Variants in COX10 observed in about 807,000 individuals in gnomAD.
The protein encoded by COX10 is protoheme IX farnesyltransferase, mitochondrial.
A neutral mutation model predicts 37.3 loss-of-function variants in COX10; 27 were observed. The observed-to-expected ratio is 0.72, with a 90% CI of 0.53 to 1.00. The LOEUF is 1.00. Ranked by LOEUF, COX10 falls within the 50% of genes least tolerant of loss-of-function variation. COX10 has a pLI of 0.00. For synonymous variants in COX10, 222 were observed against 229.1 expected (o/e 0.97, Z 0.28); for missense variants, 475 against 563.2 (o/e 0.84, Z 1.59).
chr17:14,182,366 T>C (rs1360805601), intron 5 of COX10: 10 of 917,172 alleles, frequency 1.1e-5, no homozygotes, highest in Non-Finnish European at 9.1e-6. Context: ...ATGCCAAATA[T>C]ATTTTCTTCT....
chr17:14,147,659 A>G (rs1392427446), intron 4 of COX10, among the ~76,000 whole-genome samples: 1 of 151,998 alleles, frequency 6.6e-6, no homozygotes, highest in South Asian at 2.1e-4. Context: ...TTTGTAACAC[A>G]AAAGATAAGT....
chr17:14,161,722 C>T lies in COX10; in HGVS notation c.695+1775C>T, dbSNP rs574322555. The stretch of plus-strand genomic sequence containing the variant: ...TCTTCTGCTGCCTTAGACATCAGAA[C>T]GCCAGGCTTGCTGGCCTTTGGACTC... On this transcript the variant is annotated intron_variant, in intron 5 of 6. Coordinates refer to ENST00000261643, the MANE Select transcript of COX10 (RefSeq NM_001303.4). 2.5e-4 allele frequency among the ~76,000 whole-genome samples: 38 copies of T among 152,278 alleles called. No homozygotes were observed. The South Asian group carries it at 3.9e-3, about 16-fold the overall frequency.
At chr17:14,154,164 C>T (rs1331679990) in intron 4 of COX10, among the ~76,000 whole-genome samples, 1 of 152,134 alleles carries the variant, frequency 6.6e-6, no homozygotes, top group Non-Finnish European at 1.5e-5. Flanking sequence ...CATGACATAA[C>T]ATTTTGGGGT....
chr17:14,107,196 A>G (rs780149991), intron 4 of COX10, among the ~76,000 whole-genome samples: 15 of 149,246 alleles, frequency 1.0e-4, no homozygotes, highest in South Asian at 2.2e-4. Context: ...CCAATTAGGA[A>G]CCACTGCTTT....
chr17:14,182,144 C>A (rs1239711321), intron 5 of COX10: 7 of 983,710 alleles, frequency 7.1e-6, no homozygotes, highest in Non-Finnish European at 8.4e-6. Context: ...ACCACAGTCT[C>A]TGCGCCGAAC....
rs547635834 is a variant in COX10 at position 14,205,171 on chromosome 17, A to G, written c.929-1639A>G. 1.2e-4 allele frequency among the ~76,000 whole-genome samples: 18 copies of G among 152,084 alleles called. No homozygotes were observed. The South Asian group carries it at 1.9e-3, about 16-fold the overall frequency. On this transcript the variant is annotated intron_variant, in intron 6 of 6. Transcript: ENST00000261643. Reference sequence around the variant, plus strand: ...TTTTTTTAATCATGCAATAAAATTGACTTTTTAAATATATATAGTTCTGTG... The same window carrying G: ...TTTTTTTAATCATGCAATAAAATTGGCTTTTTAAATATATATAGTTCTGTG...
At chr17:14,164,948 T>C (rs1905245092) in intron 5 of COX10, among the ~76,000 whole-genome samples, 1 of 152,204 alleles carries the variant, frequency 6.6e-6, no homozygotes. Flanking sequence ...CAAATGGGTT[T>C]GCCTAGGTCA....
chr17:14,130,097 A>G (rs1041457005), intron 4 of COX10, among the ~76,000 whole-genome samples: 1 of 152,162 alleles, frequency 6.6e-6, no homozygotes, highest in Non-Finnish European at 1.5e-5. Context: ...GAATGTAAAA[A>G]TCCTTTGGAC....
chr17:14,117,933 G>A (rs1401929117), intron 4 of COX10, among the ~76,000 whole-genome samples: 1 of 152,114 alleles, frequency 6.6e-6, no homozygotes, highest in Non-Finnish European at 1.5e-5. Flanking sequence ...TGGATGGGGA[G>A]CCAGAAGGGG....
At chr17:14,117,177 G>A (rs1211839956) in intron 4 of COX10, among the ~76,000 whole-genome samples, 6 of 151,970 alleles carry the variant, frequency 3.9e-5, no homozygotes, top group South Asian at 2.1e-4. Context: ...CTTTTTTTAC[G>A]TTAAAAACAT....
chr17:14,114,381 C>T (rs1916066524), intron 4 of COX10, among the ~76,000 whole-genome samples: 1 of 152,040 alleles, frequency 6.6e-6, no homozygotes, highest in South Asian at 2.1e-4. Context: ...CATTGTCATG[C>T]TTATTTTCAT....
At chr17:14,111,864 A>T (rs1916011028) in intron 4 of COX10, among the ~76,000 whole-genome samples, 1 of 152,146 alleles carries the variant, frequency 6.6e-6, no homozygotes, top group Non-Finnish European at 1.5e-5. Flanking sequence ...TTACTGATGT[A>T]ATCTACTAAC....
intron 5 of COX10, among the ~76,000 whole-genome samples, chr17:14,161,945 A>T (rs1905178342): frequency 6.6e-6 from 1 of 152,210 alleles, no homozygotes; most frequent in Non-Finnish European, 1.5e-5. Context: ...TTGGTTCTGT[A>T]TCCCTGTAGA....
chr17:14,171,066 C>G (rs941334108), intron 5 of COX10, among the ~76,000 whole-genome samples: 2 of 152,056 alleles, frequency 1.3e-5, no homozygotes. Flanking sequence ...CAAAAACACA[C>G]GCTGAATAAG....
intron 4 of COX10, among the ~76,000 whole-genome samples, chr17:14,155,877 A>G (rs1322127587): frequency 6.6e-6 from 1 of 152,028 alleles, no homozygotes; most frequent in Non-Finnish European, 1.5e-5. Flanking sequence ...ATCATCTCTT[A>G]CCTGGGCTTC....
intron 4 of COX10, among the ~76,000 whole-genome samples, chr17:14,145,275 G>C (rs1904679657): frequency 6.6e-6 from 1 of 152,162 alleles, no homozygotes; most frequent in Admixed American, 6.6e-5. Flanking sequence ...AGATTGAGTT[G>C]ACTAGAGAGC....
At chr17:14,085,058 T>A (rs918093273) in intron 3 of COX10, among the ~76,000 whole-genome samples, 2 of 152,136 alleles carry the variant, frequency 1.3e-5, no homozygotes, top group African/African-American at 4.8e-5. Flanking sequence ...ACTGGCTGGG[T>A]TGGAATCCCT....
chr17:14,152,427 AC>A (rs1904931993), intron 4 of COX10, among the ~76,000 whole-genome samples: 1 of 152,190 alleles, frequency 6.6e-6, no homozygotes, highest in African/African-American at 2.4e-5. Context: ...GGAAACCGCT[AC>A]CATGATTCAG....
In COX10 at chr17:14,177,340, T is replaced by C. The variant is rs976756968; in HGVS notation, c.696-14649T>C. ...GAAAAAAAAGAAAATACCAACTCCA[T>C]GTGTCTGAGGTATCACTTATAGTTT... is the stretch of plus-strand genomic sequence containing the variant. On this transcript the variant is annotated intron_variant, in intron 5 of 6. Transcript: ENST00000261643. 12 of 654,784 alleles carry C rather than the reference T, an allele frequency of 1.8e-5. No individual in the cohort carries two copies. In the African/African-American group the frequency reaches 2.2e-4, roughly 12 times the overall value. 40.6% of individuals were successfully genotyped at this position (654,784 alleles called of 1,614,324 possible).
Sources: gnomAD v4.1 joint callset for allele counts (sites outside exome capture counted in the v4.1 genomes callset) on GRCh38, gnomAD v4.1.1 for gene constraint, MANE v1.5 for transcripts, NCBI Gene and HGNC (gene_info 2026-07-23, HGNC 2026-07-21) for gene names.